DNAH17: variants seen among roughly 807,000 people sequenced by gnomAD.
The protein encoded by DNAH17 is dynein axonemal heavy chain 17.
DNAH17 carries 376 observed loss-of-function variants against 485.6 expected under a neutral mutation model. The observed-to-expected ratio is 0.77, with a 90% CI of 0.71 to 0.84. The LOEUF (loss-of-function observed/expected upper bound fraction) is 0.84. DNAH17 is among the 40% of genes least tolerant of loss of function. DNAH17 has a pLI of 0.00. For synonymous variants in DNAH17, 3,031 were observed against 2,405.9 expected, an observed-to-expected ratio of 1.26 and a Z score of -7.60; for missense variants, 6,370 against 5,839.3, an observed-to-expected ratio of 1.09 and a Z score of -2.96.
chr17:78,569,975 A>C (rs146327119), intron 7 of DNAH17, among the ~76,000 whole-genome samples: 1 of 152,206 alleles, frequency 6.6e-6, no homozygotes, highest in Non-Finnish European at 1.5e-5. Context: ...CCCACAAAGC[A>C]CTAGATGGGT....
chr17:78,455,849 G>A lies in DNAH17; in HGVS notation c.9978-13C>T. On this transcript the variant is annotated splice_polypyrimidine_tract_variant and intron_variant, in intron 62 of 80. Coordinates refer to ENST00000389840, the MANE Select transcript of DNAH17 (RefSeq NM_173628.4). ...TCCCCCGACCAGCCTAAAGTGGGAT[G>A]AGAGAGAATAAAACATATTTGCACA... 2 of 1,576,234 alleles carry A rather than the reference G, an allele frequency of 1.3e-6. No homozygotes were observed. The highest frequency in any genetic ancestry group is 1.7e-6 in the Non-Finnish European group (2 of 1,160,294).
intron 25 of DNAH17, among the ~76,000 whole-genome samples, chr17:78,516,637 T>C (rs939803396): frequency 5.1e-5 from 7 of 137,160 alleles, no homozygotes; most frequent in African/African-American, 2.0e-4. Context: ...TTGCAGCGAG[T>C]GGACATCACA....
rs759527281 is a variant in DNAH17 at position 78,507,389 on chromosome 17, G to T, written c.4585-20C>A. On this transcript the variant is annotated intron_variant, in intron 28 of 80. Coordinates refer to ENST00000389840, the MANE Select transcript of DNAH17 (RefSeq NM_173628.4). ...CAAGGCCTGGGAAGAGAAGGGGATC[G>T]CCAAGGCATTAGGGATCGCCACACA... 1.2e-6 allele frequency: 2 copies of T among 1,613,772 alleles called. No homozygotes were observed. The highest frequency in any genetic ancestry group is 1.7e-5 in the Admixed American group (1 of 59,998).
intron 54 of DNAH17, among the ~76,000 whole-genome samples, chr17:78,473,124 T>C (rs2088842295): frequency 6.6e-6 from 1 of 152,224 alleles, no homozygotes; most frequent in Admixed American, 6.5e-5. Context: ...CCTATTACTA[T>C]GGCAGCACCA....
chr17:78,515,135 T>C (rs1265362713), intron 25 of DNAH17, 113 bp from the exon 26 acceptor site: 6 of 1,234,032 alleles, frequency 4.9e-6, no homozygotes, highest in Non-Finnish European at 6.8e-6. Context: ...GTGAGGAATA[T>C]TTAGAACTAA....
rs540538192 is a variant in DNAH17 at position 78,457,300 on chromosome 17, G to A, written c.9977+1265C>T. Among the ~76,000 whole-genome samples, 5 of 152,120 alleles carry A rather than the reference G, an allele frequency of 3.3e-5. No individual in the cohort carries two copies. The South Asian group carries it at 1.0e-3, about 32-fold the overall frequency. ...GCAGAAGAACTACTTGAACCCGGGAGATGGAGGTTGCAGTGAGCCAAGATC... is the reference window on the plus strand; with the variant it reads ...GCAGAAGAACTACTTGAACCCGGGAAATGGAGGTTGCAGTGAGCCAAGATC... On this transcript the variant is annotated intron_variant, in intron 62 of 80. Transcript: ENST00000389840.
chr17:78,525,269 T>A, intron 24 of DNAH17, 108 bp from the exon 25 acceptor site: 1 of 1,434,024 alleles, frequency 7.0e-7, no homozygotes, highest in South Asian at 1.3e-5. Flanking sequence ...CTGATAAACC[T>A]TCTGGGAGGA....
chr17:78,555,539 G>A (rs62075921), intron 14 of DNAH17, among the ~76,000 whole-genome samples: 13,340 of 77,886 alleles, frequency 0.17, 863 homozygotes, highest in East Asian at 0.27. Flanking sequence ...GCAAGATTCC[G>A]TCACAAAAAA....
intron 57 of DNAH17, 78 bp downstream of exon 57, chr17:78,462,766 G>T (rs562783324): frequency 6.9e-7 from 1 of 1,439,214 alleles, no homozygotes; most frequent in Admixed American, 1.9e-5. Flanking sequence ...CCAGCCCGTG[G>T]ATGCCTGTGA....
rs1429081838 is a variant in DNAH17 at position 78,465,076 on chromosome 17, G to A, written c.8940+1579C>T. On this transcript the variant is annotated intron_variant, in intron 56 of 80. Transcript: ENST00000389840. ...CTGACTCAGCCTGCCCAGTGCCTGC[G>A]ATTGCAGGCTCGCGCCGCCACGCCT... is the stretch of plus-strand genomic sequence containing the variant. 7.9e-5 allele frequency among the ~76,000 whole-genome samples: 12 copies of A among 152,296 alleles called. No individual in the cohort carries two copies. The East Asian group carries it at 9.7e-4, about 12-fold the overall frequency.
rs1237513257 is a variant in DNAH17, at chr17:78,485,049, G to A, written c.7484-16C>T. 1.9e-6 allele frequency: 3 copies of A among 1,586,080 alleles called. No homozygotes were observed. Among genetic ancestry groups the A allele is most frequent in the Middle Eastern group, 1.7e-4 (1 of 5,924 alleles). ...TCCAGCACCCCTAGAGAGGGCAGAG[G>A]GTCAGCTGCCCGCCTGCGCCTCCTG... is the stretch of plus-strand genomic sequence containing the variant. On this transcript the variant is annotated splice_polypyrimidine_tract_variant and intron_variant, in intron 47 of 80. Transcript: ENST00000389840.
At position 78,505,437 on chromosome 17, in the gene DNAH17, G is replaced by C; in HGVS notation, c.4812C>G (p.Arg1604=). The part of the protein sequence containing the change: ...SNGNDPVEVS[R]HLSKLFDSLC... ...GGCTATCGAAGAGTTTGGACAGGTG[G>C]CGGCTCACCTGGGAGGAGGCAAGAA... is the stretch of plus-strand genomic sequence containing the variant. The change falls in exon 31 of 81, where the codon CGC becomes CGG. Residue 1604 remains arginine (R), a synonymous_variant. Coordinates refer to ENST00000389840, the MANE Select transcript of DNAH17 (RefSeq NM_173628.4). 1.2e-6 allele frequency: 2 copies of C among 1,614,028 alleles called. No individual in the cohort carries two copies. Among genetic ancestry groups the C allele is most frequent in the Non-Finnish European group, 1.7e-6 (2 of 1,179,896 alleles).
In DNAH17 at chr17:78,424,147, C is replaced by G. The variant is rs139023942; in HGVS notation, c.13148G>C (p.Arg4383Pro). 1.2e-6 allele frequency: 2 copies of G among 1,609,988 alleles called. No individual in the cohort carries two copies. Reference protein sequence around the residue: ...YVYGLFMEGARWDTQTGVIAE... With the variant: ...YVYGLFMEGAPWDTQTGVIAE... Reference sequence around the variant, plus strand: ...GATGACTCCAGTCTGGGTGTCCCAGCGAGCCCCTGCAGGGACAGTATGGCT... The same window carrying G: ...GATGACTCCAGTCTGGGTGTCCCAGGGAGCCCCTGCAGGGACAGTATGGCT... Residue 4383 changes from arginine (R) to proline (P), a missense_variant, in exon 81 of 81, where the codon CGC becomes CCC. Physicochemically the swap from Arg to Pro is moderately radical, Grantham distance 103. Coordinates refer to ENST00000389840, the MANE Select transcript of DNAH17 (RefSeq NM_173628.4).
At chr17:78,426,289 G>T (rs879189839) in intron 79 of DNAH17, among the ~76,000 whole-genome samples, 168 bp downstream of exon 79, 4 of 152,206 alleles carry the variant, frequency 2.6e-5, no homozygotes, top group Non-Finnish European at 4.4e-5. Context: ...GCACTGTCAG[G>T]GTGTGGGAGG....
chr17:78,528,851 C>T (rs1354947266), intron 22 of DNAH17, among the ~76,000 whole-genome samples: 1 of 152,118 alleles, frequency 6.6e-6, no homozygotes, highest in Non-Finnish European at 1.5e-5. Context: ...TCCCCAGGGT[C>T]CCCCTGACCT....
Position 78,466,847 on chromosome 17 carries a change from A to G in DNAH17, c.8779-31T>C, listed in dbSNP as rs768537665. 4 of 1,529,578 alleles carry G rather than the reference A, an allele frequency of 2.6e-6. No homozygotes were observed. The Admixed American group carries it at 8.0e-5, about 31-fold the overall frequency. The allele number at this position is 1,529,578 out of a possible 1,614,324, so 94.8% of individuals were successfully genotyped here. On this transcript the variant is annotated intron_variant, in intron 55 of 80. Transcript: ENST00000389840. ...TGTGGGAGACACAGATGCGCTGCCT[A>G]CTGGGACTGCAGTGCTGGGGCCTAA...
intron 72 of DNAH17, 66 bp from the exon 73 acceptor site, chr17:78,439,283 T>C (rs2086976629): frequency 2.6e-6 from 4 of 1,513,304 alleles, no homozygotes; most frequent in South Asian, 2.5e-5. Flanking sequence ...GGCTCTGTGA[T>C]CTACAGCCAG....
intron 42 of DNAH17, 97 bp downstream of exon 42, chr17:78,492,536 G>T: frequency 6.6e-7 from 1 of 1,524,150 alleles, no homozygotes; most frequent in South Asian, 1.2e-5. Context: ...ACCCTAGCCT[G>T]GGGAGGCTGG....
intron 13 of DNAH17, 26 bp from the exon 14 acceptor site, chr17:78,558,280 A>G: frequency 6.2e-7 from 1 of 1,610,884 alleles, no homozygotes; most frequent in Non-Finnish European, 8.5e-7. Context: ...AGATCAAAGA[A>G]CATGTCAGCA....
Sources: gnomAD v4.1 joint callset for allele counts (sites outside exome capture counted in the v4.1 genomes callset) on GRCh38, gnomAD v4.1.1 for gene constraint, MANE v1.5 for transcripts, NCBI Gene and HGNC (gene_info 2026-07-23, HGNC 2026-07-21) for gene names.